The following PTCH1 variants were observed in gnomAD, a reference collection of about 807,000 sequenced individuals.
PTCH1 encodes patched 1, also known as protein patched homolog 1.
PTCH1 carries 14 observed loss-of-function variants against 144.6 expected under a neutral mutation model. The ratio of observed to expected loss-of-function variants is 0.10; its 90% CI spans 0.06 to 0.15. The LOEUF is 0.15. PTCH1 is among the 10% of genes least tolerant of loss of function. The pLI, the probability that PTCH1 is intolerant of heterozygous loss-of-function variation, is 1.00. For synonymous variants in PTCH1, 833 were observed against 793.6 expected (o/e 1.05, Z -0.83); for missense variants, 1,623 against 1,948.3 (o/e 0.83, Z 3.14).
Position 95,508,254 on chromosome 9 carries a change from C to T in PTCH1, c.108G>A (p.Thr36=), listed in dbSNP as rs1363824163. The T allele has an allele frequency of 6.3e-7, 1 of 1,598,680 alleles. No homozygotes were observed. The highest frequency in any genetic ancestry group is 8.5e-7 in the Non-Finnish European group (1 of 1,174,910). ...GCGCGGCAGCACGGCGCAGCCCCCC[C>T]GTCCGTCTGCGCCTCCCGCCTCCAG... ...RPAGGGRRRR[T]GGLRRAAAPD... Residue 36 remains threonine (T), a synonymous_variant, in exon 1 of 24, where the codon ACG becomes ACA. Transcript: ENST00000331920.
At position 95,478,094 on chromosome 9, in the gene PTCH1, G is replaced by A. The variant is rs148471237; in HGVS notation, c.1308C>T (p.Asp436=). ...CGCTGGCCACGCGGATGACACTGACGTCAGAGAAGGATTTCAGGATGTCGT... is the reference window on the plus strand; with the variant it reads ...CGCTGGCCACGCGGATGACACTGACATCAGAGAAGGATTTCAGGATGTCGT... The part of the protein sequence containing the change: ...TLDDILKSFS[D]VSVIRVASGY... Residue 436 remains aspartate (D), a synonymous_variant, in exon 9 of 24, where the codon GAC becomes GAT. Transcript: ENST00000331920. The A allele has an allele frequency of 9.9e-5, 159 of 1,614,056 alleles. No individual in the cohort carries two copies. Among genetic ancestry groups the A allele is most frequent in the Non-Finnish European group, 1.3e-4 (148 of 1,180,042 alleles).
chr9:95,494,354 C>T, intron 2 of PTCH1: 41 of 985,562 alleles, frequency 4.2e-5, no homozygotes, highest in Non-Finnish European at 4.9e-5. Context: ...TCCCAAGGAG[C>T]CACGAGTTCC....
At position 95,508,051 on chromosome 9, in the gene PTCH1, G is replaced by C. The variant is rs1843867272; in HGVS notation, c.201+110C>G. 4 of 1,556,994 alleles carry C rather than the reference G, an allele frequency of 2.6e-6. No homozygotes were observed. The South Asian group carries it at 4.7e-5, about 18-fold the overall frequency. On this transcript the variant is annotated intron_variant, in intron 1 of 23. Transcript: ENST00000331920. ...TGGAGAGGTGTGAGTGAGTGTGTGT[G>C]TGTGTGTGAGAGAGAGAGGAAGAGA... is the stretch of plus-strand genomic sequence containing the variant.
chr9:95,505,215 G>A (rs1453369508), intron 2 of PTCH1, among the ~76,000 whole-genome samples: 1 of 152,192 alleles, frequency 6.6e-6, no homozygotes, highest in Non-Finnish European at 1.5e-5. Flanking sequence ...GTCTCCAACA[G>A]CATCCTGAAA....
In PTCH1 at chr9:95,506,584, G is replaced by A. The variant is rs751511116; in HGVS notation, c.217C>T (p.Arg73Trp). ...EQISKGKATG[R>W]KAPLWLRAKF... ...GCTCTCAGCCACAGCGGCGCTTTCC[G>A]GCCAGTAGCCTTCCCCTGGGGACGA... Residue 73 changes from arginine to tryptophan, a missense_variant, in exon 2 of 24, where the codon CGG becomes TGG. Physicochemically the swap from Arg to Trp is moderately radical, Grantham distance 101 (BLOSUM62 -3). Around this residue, in one of 7 missense-constraint regions of PTCH1, gnomAD observed 245 missense variants for 240.6 expected, o/e 1.02. Transcript: ENST00000331920. 24 of 1,611,946 alleles carry A rather than the reference G, an allele frequency of 1.5e-5. No homozygotes were observed. Among genetic ancestry groups the A allele is most frequent in the Non-Finnish European group, 1.9e-5 (22 of 1,179,158 alleles).
intron 14 of PTCH1, 123 bp downstream of exon 14, chr9:95,468,628 C>G (rs576644305): frequency 2.2e-6 from 3 of 1,348,376 alleles, no homozygotes; most frequent in Non-Finnish European, 3.1e-6. Flanking sequence ...TGAAATGTAT[C>G]ATACTTAAAC....
At chr9:95,499,263 G>A (rs2118778377) in intron 2 of PTCH1, among the ~76,000 whole-genome samples, 1 of 151,668 alleles carries the variant, frequency 6.6e-6, no homozygotes, top group East Asian at 1.9e-4. Flanking sequence ...CCATCAAAGA[G>A]TGTGGTCTTG....
intron 14 of PTCH1, 140 bp downstream of exon 14, chr9:95,468,611 G>T: frequency 3.6e-6 from 4 of 1,124,400 alleles, no homozygotes; most frequent in Non-Finnish European, 3.9e-6. Flanking sequence ...ATTGACTTTT[G>T]GAGGACTGAA....
chr9:95,476,988 G>A lies in PTCH1; in HGVS notation c.1504-131C>T, dbSNP rs1327033435. On this transcript the variant is annotated intron_variant, in intron 10 of 23. Coordinates refer to ENST00000331920, the MANE Select transcript of PTCH1 (RefSeq NM_000264.5). The surrounding 1 kb of genome is among the most constrained non-coding windows in gnomAD (Gnocchi z 4.6). The stretch of plus-strand genomic sequence containing the variant: ...AGGGCTTCCGTAACCTCATGGTGAA[G>A]AATTCACTTGACGTCCCAAAGCCTA... 2 of 842,010 alleles carry A rather than the reference G, an allele frequency of 2.4e-6. No individual in the cohort carries two copies. The highest frequency in any genetic ancestry group is 4.0e-6 in the Non-Finnish European group (2 of 502,952). 52.2% of individuals were successfully genotyped at this position (842,010 alleles called of 1,614,324 possible). A position where few individuals can be genotyped will look rare whatever the true frequency, so the allele number is the denominator to read the frequency against.
intron 2 of PTCH1, among the ~76,000 whole-genome samples, chr9:95,499,318 A>T (rs549525382): frequency 6.6e-6 from 1 of 150,988 alleles, no homozygotes; most frequent in East Asian, 1.9e-4. Context: ...TGCAAATGGC[A>T]GCTCTGTATC....
chr9:95,504,336 T>C (rs1374314085), intron 2 of PTCH1, among the ~76,000 whole-genome samples: 1 of 152,176 alleles, frequency 6.6e-6, no homozygotes, highest in Non-Finnish European at 1.5e-5. Context: ...GCACACTGCA[T>C]CTCCTTCCAG....
At chr9:95,453,711 TGCTC>T in intron 19 of PTCH1, 91 bp from the exon 20 acceptor site, 1 of 1,537,996 alleles carries the variant, frequency 6.5e-7, no homozygotes, top group South Asian at 1.1e-5. Context: ...CTCTCAGAAC[TGCTC>T]ACATCTTACT....
rs938732157 is a variant in PTCH1 at position 95,489,550 on chromosome 9, C to G, written c.395-3676G>C. 2.6e-5 allele frequency among the ~76,000 whole-genome samples: 4 copies of G among 152,140 alleles called. No homozygotes were observed. In the East Asian group the frequency reaches 5.8e-4, roughly 22 times the overall value. ...TTTTTGGGTAGATACGGGGGCCTCA[C>G]TATGTTGCCCAAGCTGGTCTCAAAC... On this transcript the variant is annotated intron_variant, in intron 2 of 23. Transcript: ENST00000331920.
In PTCH1 at chr9:95,447,452, C is replaced by T; in HGVS notation, c.3805-1G>A. On this transcript the variant is annotated splice_acceptor_variant, in intron 22 of 23. Coordinates refer to ENST00000331920, the MANE Select transcript of PTCH1 (RefSeq NM_000264.5). LOFTEE classifies it high-confidence loss of function. ...GATGCCTGGATTCGGGATGGACCAC[C>T]TGCAGAGGGTGAGGGTGGGTTAGAA... 6.3e-7 allele frequency: 1 copy of T among 1,576,668 alleles called. No individual in the cohort carries two copies. The highest frequency in any genetic ancestry group is 8.6e-7 in the Non-Finnish European group (1 of 1,164,784).
Position 95,508,036 on chromosome 9 carries a change from TGA to T in PTCH1, c.201+123_201+124del, listed in dbSNP as rs1843863644. On this transcript the variant is annotated intron_variant, in intron 1 of 23. Transcript: ENST00000331920. ...GTCTGCTGCTTTTCCTGGAGAGGTG[TGA>T]GTGAGTGTGTGTGTGTGTGTGAGAG... is the stretch of plus-strand genomic sequence containing the variant. The T allele has an allele frequency of 5.6e-6, 7 of 1,247,436 alleles. No homozygotes were observed. The African/African-American group carries it at 1.8e-4, about 31-fold the overall frequency. 77.3% of individuals were successfully genotyped at this position (1,247,436 alleles called of 1,614,324 possible).
Position 95,480,053 on chromosome 9 carries a change from T to G in PTCH1, c.983A>C (p.His328Pro). Reference sequence around the variant, plus strand: ...GTGCATATACTTTCTGGATAAGCCATGACATCCACCATTCAAAACAAGGGC... The same window carrying G: ...GTGCATATACTTTCTGGATAAGCCAGGACATCCACCATTCAAAACAAGGGC... ...DMALVLNGGCHGLSRKYMHWQ... is the reference protein window; with the variant it reads ...DMALVLNGGCPGLSRKYMHWQ... The change falls in exon 7 of 24, where the codon CAT becomes CCT. Residue 328 changes from histidine to proline, a missense_variant. By Grantham distance (77) the His-to-Pro change is moderately conservative. This residue lies in a region of PTCH1 where 230 missense variants were observed against 271.0 expected (regional missense o/e 0.85). Transcript: ENST00000331920. 1 of 1,613,962 alleles carries G rather than the reference T, an allele frequency of 6.2e-7. No homozygotes were observed. Among genetic ancestry groups the G allele is most frequent in the Middle Eastern group, 1.6e-4 (1 of 6,062 alleles).
chr9:95,454,248 C>T (rs1479468897), intron 19 of PTCH1, among the ~76,000 whole-genome samples: 1 of 152,188 alleles, frequency 6.6e-6, no homozygotes, highest in Non-Finnish European at 1.5e-5. Context: ...GATAACTAAA[C>T]GGGAACTTTG....
In PTCH1 at chr9:95,476,328, C is replaced by T. The variant is rs544460921; in HGVS notation, c.1603-169G>A. Among the ~76,000 whole-genome samples, 3 of 152,334 alleles carry T rather than the reference C, an allele frequency of 2.0e-5. No individual in the cohort carries two copies. In the South Asian group the frequency reaches 6.2e-4, roughly 32 times the overall value. Reference sequence around the variant, plus strand: ...CTTACCCCCTAACACCAGCATTATTCAGTACCATCTACAGAGTCATCAATT... The same window carrying T: ...CTTACCCCCTAACACCAGCATTATTTAGTACCATCTACAGAGTCATCAATT... On this transcript the variant is annotated intron_variant, in intron 11 of 23. Transcript: ENST00000331920. This position sits in a 1 kb window ranked among gnomAD's most constrained non-coding sequence, Gnocchi z 4.6.
upstream of PTCH1, among the ~76,000 whole-genome samples, chr9:95,511,312 T>TCCCTCAATCTC (rs1222813967): frequency 1.3e-4 from 20 of 149,708 alleles, no homozygotes; most frequent in African/African-American, 4.4e-4. Flanking sequence ...CCCCGCTCCC[T>TCCCTCAATCTC]CCCTCAATCT....
Sources: gnomAD v4.1 joint callset for allele counts (sites outside exome capture counted in the v4.1 genomes callset) on GRCh38, gnomAD v4.1.1 for gene constraint, gnomAD v4.1.1 regional missense constraint, Gnocchi (gnomAD v3.1) non-coding constraint, MANE v1.5 for transcripts, NCBI Gene and HGNC (gene_info 2026-07-23, HGNC 2026-07-21) for gene names.